Variants in COP1 observed in about 807,000 individuals in gnomAD.
COP1 encodes the protein COP1 E3 ubiquitin ligase.
A neutral mutation model predicts 101.3 loss-of-function variants in COP1; 24 were observed. That is an observed-to-expected ratio of 0.24 (90% CI 0.17 to 0.33). COP1 has a LOEUF of 0.33. COP1 is among the 10% of genes least tolerant of loss of function. The probability of loss-of-function intolerance (pLI) is 1.00; values close to 1 mark genes in which losing one functional copy is unlikely to be tolerated. For synonymous variants in COP1, 347 were observed against 341.9 expected (o/e 1.01, Z -0.17); for missense variants, 663 against 906.2 (o/e 0.73, Z 3.45).
intron 1 of COP1, among the ~76,000 whole-genome samples, chr1:176,193,758 TCA>T (rs1055532300): frequency 1.6e-4 from 25 of 152,202 alleles, no homozygotes; most frequent in African/African-American, 5.3e-4. Context: ...ATAGGTAAAT[TCA>T]CAGAGACAGA....
At chr1:176,024,236 G>A (rs1208846721) in intron 15 of COP1, among the ~76,000 whole-genome samples, 1 of 152,216 alleles carries the variant, frequency 6.6e-6, no homozygotes, top group Non-Finnish European at 1.5e-5. Context: ...TCCAGCCTGG[G>A]CTCTGACAGA....
Position 176,097,801 on chromosome 1 carries a change from G to A in COP1, c.1027-11911C>T, listed in dbSNP as rs189645826. On this transcript the variant is annotated intron_variant, in intron 9 of 19. Coordinates refer to ENST00000367669, the MANE Select transcript of COP1 (RefSeq NM_022457.7). ...GGACAATCGCTTGAACATGGGAAGC[G>A]GAGGTTGCAGTGAGTCGAGATCATG... Among the ~76,000 whole-genome samples the A allele has an allele frequency of 1.3e-3, 198 of 150,622 alleles. 1 individual carries two copies. Among genetic ancestry groups the A allele is most frequent in the South Asian group, 0.011 (51 of 4,730 alleles).
At chr1:175,982,364 C>A (rs1656077630) in intron 18 of COP1, 1 of 456,522 alleles carries the variant, frequency 2.2e-6, no homozygotes, top group South Asian at 1.5e-5. Context: ...CTGTGAGGAA[C>A]CACTTATATG....
rs189908171 is a variant in COP1, at chr1:176,036,980, T to C, written c.1612+6206A>G. On this transcript the variant is annotated intron_variant, in intron 14 of 19. Transcript: ENST00000367669. ...GGAAATGAACTGTCAAAAATTACAC[T>C]CAAGAAGAGACAGATAAGTTTATTA... 2.7e-4 allele frequency among the ~76,000 whole-genome samples: 41 copies of C among 152,236 alleles called. No individual in the cohort carries two copies. The East Asian group carries it at 7.7e-3, about 29-fold the overall frequency.
At chr1:176,095,583 G>T (rs1167843626) in intron 9 of COP1, among the ~76,000 whole-genome samples, 1 of 152,056 alleles carries the variant, frequency 6.6e-6, no homozygotes, top group Non-Finnish European at 1.5e-5. Context: ...TGGGGAGGCT[G>T]AGGTAAGAGG....
chr1:176,181,016 G>T (rs704829), intron 2 of COP1, among the ~76,000 whole-genome samples: 8 of 152,054 alleles, frequency 5.3e-5, no homozygotes, highest in South Asian at 2.1e-4. Flanking sequence ...ACAAGCTGGA[G>T]GCAGCAAATG....
Position 176,027,651 on chromosome 1 carries a change from T to A in COP1, c.1650A>T (p.Ala550=). ...LWSTNLDNSV[A]SIEAKANVCC... ...ACACATTAGCCTTTGCCTCAATGCTTGCCACTGAGTTGTCTAGATTGGTAG... is the reference window on the plus strand; with the variant it reads ...ACACATTAGCCTTTGCCTCAATGCTAGCCACTGAGTTGTCTAGATTGGTAG... Residue 550 remains alanine (A), a synonymous_variant, in exon 15 of 20, where the codon GCA becomes GCT. Transcript: ENST00000367669. The A allele has an allele frequency of 6.2e-7, 1 of 1,613,412 alleles. No individual in the cohort carries two copies. The highest frequency in any genetic ancestry group is 8.5e-7 in the Non-Finnish European group (1 of 1,179,448).
chr1:176,184,284 C>T lies in COP1; in HGVS notation c.467+349G>A, dbSNP rs115810311. ...ATGACCTTCTTAGCCTGCTTCACTG[C>T]GTTCTCCAACCTATCCCCACAAGTG... On this transcript the variant is annotated intron_variant, in intron 2 of 19. Transcript: ENST00000367669. Among the ~76,000 whole-genome samples the T allele has an allele frequency of 5.6e-3, 851 of 152,004 alleles. 4 individuals carry two copies. The highest frequency in any genetic ancestry group is 0.02 in the African/African-American group (807 of 41,342).
At chr1:176,199,989 T>C (rs1700104004) in intron 1 of COP1, among the ~76,000 whole-genome samples, 1 of 152,186 alleles carries the variant, frequency 6.6e-6, no homozygotes, top group African/African-American at 2.4e-5. Context: ...GGTGGTTAAC[T>C]TGGGTAACCA....
intron 9 of COP1, among the ~76,000 whole-genome samples, chr1:176,106,219 C>T (rs550363945): frequency 1.3e-5 from 2 of 152,088 alleles, no homozygotes; most frequent in South Asian, 2.1e-4. Context: ...TTTGTAGAGA[C>T]GAGGTTTCTC....
At chr1:176,108,878 C>T (rs958649471) in intron 9 of COP1, among the ~76,000 whole-genome samples, 3 of 152,064 alleles carry the variant, frequency 2.0e-5, no homozygotes, top group Admixed American at 2.0e-4. Flanking sequence ...CTTTGGGAGG[C>T]AGAGGCAGGC....
At chr1:175,982,887 G>A (rs1249809436) in intron 18 of COP1, among the ~76,000 whole-genome samples, 3 of 152,278 alleles carry the variant, frequency 2.0e-5, no homozygotes, top group Middle Eastern at 3.4e-3. Flanking sequence ...GGAGTGGGAG[G>A]ATGCCAAGAT....
intron 11 of COP1, among the ~76,000 whole-genome samples, chr1:176,077,050 G>A (rs1678174919): frequency 6.6e-6 from 1 of 152,054 alleles, no homozygotes; most frequent in South Asian, 2.1e-4. Flanking sequence ...TTCTAATAGA[G>A]GTACAAAGAA....
At chr1:176,054,444 G>A (rs1673106405) in intron 11 of COP1, among the ~76,000 whole-genome samples, 1 of 152,128 alleles carries the variant, frequency 6.6e-6, no homozygotes, top group South Asian at 2.1e-4. Flanking sequence ...TTACAGGAAT[G>A]ACCCACTGCA....
chr1:175,953,366 T>C (rs759737723), intron 18 of COP1, among the ~76,000 whole-genome samples: 6 of 152,072 alleles, frequency 3.9e-5, no homozygotes, highest in Non-Finnish European at 5.9e-5. Context: ...ACCAACTGTA[T>C]TGATAATTAA....
chr1:175,975,013 C>G (rs1156746791), intron 18 of COP1, among the ~76,000 whole-genome samples: 1 of 151,466 alleles, frequency 6.6e-6, no homozygotes, highest in Non-Finnish European at 1.5e-5. Flanking sequence ...ATCTCATGCT[C>G]ATTTTTAAAA....
intron 15 of COP1, among the ~76,000 whole-genome samples, chr1:175,994,374 GA>G (rs1659530861): frequency 6.6e-6 from 1 of 152,142 alleles, no homozygotes; most frequent in African/African-American, 2.4e-5. Context: ...ATAATGACAG[GA>G]TCAAATTCAC....
At chr1:175,992,541 C>T (rs1658841702) in intron 15 of COP1, among the ~76,000 whole-genome samples, 1 of 152,194 alleles carries the variant, frequency 6.6e-6, no homozygotes, top group African/African-American at 2.4e-5. Context: ...TCACTCCCAC[C>T]CTAATACTGC....
At chr1:176,068,635 AT>A (rs995609905) in intron 11 of COP1, among the ~76,000 whole-genome samples, 4 of 152,240 alleles carry the variant, frequency 2.6e-5, no homozygotes, top group African/African-American at 7.2e-5. Context: ...ATAAAAGCAC[AT>A]TTTTTTCCAA....
Sources: allele counts gnomAD v4.1 joint callset (sites outside exome capture counted in the v4.1 genomes callset), GRCh38; gene constraint gnomAD v4.1.1; transcripts MANE v1.5; gene names NCBI Gene and HGNC (gene_info 2026-07-23, HGNC 2026-07-21).